Variants in CCNYL1 observed in about 807,000 individuals in gnomAD.
CCNYL1 encodes the protein cyclin-Y-like protein 1.
In CCNYL1, 16 loss-of-function variants were observed where a neutral mutation model predicts 44.2. The observed-to-expected ratio is 0.36, with a 90% CI of 0.25 to 0.55. The LOEUF (loss-of-function observed/expected upper bound fraction) is 0.55, where lower values mean the gene tolerates loss of function less well. CCNYL1 is among the 20% of genes least tolerant of loss of function. The pLI, the probability that CCNYL1 is intolerant of heterozygous loss-of-function variation, is 0.85. For missense variants in CCNYL1, 348 were observed against 451.8 expected (o/e 0.77, Z 2.08); for synonymous variants, 159 against 163.2 (o/e 0.97, Z 0.20).
intron 9 of CCNYL1, among the ~76,000 whole-genome samples, chr2:207,752,168 A>T (rs1164723097): frequency 2.6e-5 from 4 of 152,272 alleles, no homozygotes; most frequent in Middle Eastern, 3.4e-3. Flanking sequence ...GTGCAGTCCC[A>T]TGAGTTTTTT....
chr2:207,737,839 C>G (rs2091777173), intron 5 of CCNYL1, among the ~76,000 whole-genome samples: 1 of 152,064 alleles, frequency 6.6e-6, no homozygotes, highest in Admixed American at 6.5e-5. Flanking sequence ...AAAAATATAA[C>G]CCCTGACTGA....
intron 1 of CCNYL1, 137 bp downstream of exon 1, chr2:207,712,253 T>G (rs545566445): frequency 7.7e-6 from 5 of 646,640 alleles, no homozygotes; most frequent in Non-Finnish European, 1.3e-5. Flanking sequence ...TGGTTCTGCC[T>G]CGCGTCCCCA....
intron 9 of CCNYL1, among the ~76,000 whole-genome samples, chr2:207,752,350 T>G (rs2091899603): frequency 1.3e-5 from 2 of 152,004 alleles, no homozygotes. Flanking sequence ...AAGACCAGCC[T>G]TACCAACACA....
chr2:207,725,747 A>C (rs572305253), intron 2 of CCNYL1, among the ~76,000 whole-genome samples: 1 of 152,204 alleles, frequency 6.6e-6, no homozygotes, highest in Middle Eastern at 3.2e-3. Context: ...AAACTTACGT[A>C]CATTTTCCTT....
At chr2:207,751,927 T>TG (rs1466056315) in intron 9 of CCNYL1, among the ~76,000 whole-genome samples, 1 of 148,662 alleles carries the variant, frequency 6.7e-6, no homozygotes, top group South Asian at 2.1e-4. Flanking sequence ...CCCAGCTACT[T>TG]GGGAGGCTGA....
At chr2:207,740,260 A>G (rs1026812394) in intron 5 of CCNYL1, among the ~76,000 whole-genome samples, 7 of 152,234 alleles carry the variant, frequency 4.6e-5, no homozygotes, top group African/African-American at 1.7e-4. Flanking sequence ...AAAGCCTGGG[A>G]AATCTGAATT....
At position 207,752,615 on chromosome 2, in the gene CCNYL1, G is replaced by A. The variant is rs188029409; in HGVS notation, c.970-973G>A. On this transcript the variant is annotated intron_variant, in intron 9 of 9. Coordinates refer to ENST00000295414, the MANE Select transcript of CCNYL1 (RefSeq NM_001330218.2). ...CTTTATGGGGCAAAGTAATATTTAT[G>A]GCTTATGACTCTTGGTGAGTATACA... 2.1e-3 allele frequency among the ~76,000 whole-genome samples: 320 copies of A among 152,098 alleles called. 2 individuals carry two copies. Among genetic ancestry groups the A allele is most frequent in the African/African-American group, 7.5e-3 (310 of 41,468 alleles).
chr2:207,738,231 G>GT (rs34971099), intron 5 of CCNYL1, among the ~76,000 whole-genome samples: 60,091 of 151,542 alleles, frequency 0.4, 12,433 homozygotes, highest in Middle Eastern at 0.55. Context: ...TTTTTATTTG[G>GT]TTTTTTTTGA....
chr2:207,737,106 G>A (rs971426728), intron 4 of CCNYL1, among the ~76,000 whole-genome samples: 13 of 152,002 alleles, frequency 8.6e-5, no homozygotes, highest in Middle Eastern at 3.2e-3. Flanking sequence ...TAGTAGAGAC[G>A]GGGTTTCACC....
chr2:207,753,694 C>T lies in CCNYL1; in HGVS notation c.1076C>T (p.Ser359Phe). Reference sequence around the variant, plus strand: ...ATTCAGCGCTCTAAAGCCATCCTCTCTTAAAAGGAGAAATGAGGGGTTATA... The same window carrying T: ...ATTCAGCGCTCTAAAGCCATCCTCTTTTAAAAGGAGAAATGAGGGGTTATA... ...IGIQRSKAIL[S>F] The change falls in exon 10 of 10, where the codon TCT becomes TTT. Residue 359 changes from serine to phenylalanine, a missense_variant. Coordinates refer to ENST00000295414, the MANE Select transcript of CCNYL1 (RefSeq NM_001330218.2). The T allele has an allele frequency of 6.2e-7, 1 of 1,600,914 alleles. No homozygotes were observed. The highest frequency in any genetic ancestry group is 8.6e-7 in the Non-Finnish European group (1 of 1,169,320).
At position 207,753,847 on chromosome 2, in the gene CCNYL1, A is replaced by C. The variant is rs375237596; in HGVS notation, c.*149A>C. The stretch of plus-strand genomic sequence containing the variant: ...AAGAGACTCATGGACAACAAGGATT[A>C]TACTCCACAGGAAAGAATGGGACCT... On this transcript the variant is annotated 3_prime_UTR_variant, in exon 10 of 10. Transcript: ENST00000295414. 4.7e-5 allele frequency: 27 copies of C among 576,012 alleles called. 1 individual carries two copies. The African/African-American group carries it at 4.9e-4, about 10-fold the overall frequency. The allele number at this position is 576,012 out of a possible 1,614,324, so 35.7% of individuals were successfully genotyped here. A position where few individuals can be genotyped will look rare whatever the true frequency, so the allele number is the denominator to read the frequency against.
chr2:207,729,720 C>G (rs1005577523), intron 3 of CCNYL1, among the ~76,000 whole-genome samples: 1 of 150,644 alleles, frequency 6.6e-6, no homozygotes, highest in Non-Finnish European at 1.5e-5. Context: ...CTTTGCTTTT[C>G]TTTCTGAGAG....
chr2:207,737,283 T>C, intron 4 of CCNYL1, 128 bp from the exon 5 acceptor site: 1 of 710,768 alleles, frequency 1.4e-6, no homozygotes, highest in Non-Finnish European at 2.5e-6. Context: ...ACCCATATGG[T>C]ACTGTTCTGA....
At chr2:207,740,730 A>G (rs543035887) in intron 6 of CCNYL1, 24 bp downstream of exon 6, 3 of 1,503,684 alleles carry the variant, frequency 2.0e-6, no homozygotes, top group South Asian at 2.3e-5. Context: ...TTTTTGAGGT[A>G]GTATTTTTCT....
intron 2 of CCNYL1, among the ~76,000 whole-genome samples, chr2:207,725,233 T>A (rs1477614753): frequency 3.3e-5 from 5 of 151,428 alleles, no homozygotes; most frequent in Admixed American, 1.3e-4. Flanking sequence ...TTCAAGCAAT[T>A]CTCCTGCCTC....
At chr2:207,744,991 A>C (rs1471376529) in intron 7 of CCNYL1, among the ~76,000 whole-genome samples, 4 of 152,156 alleles carry the variant, frequency 2.6e-5, no homozygotes, top group Admixed American at 2.0e-4. Context: ...ATATTAGGGA[A>C]GACTTGGGGA....
In CCNYL1 at chr2:207,747,096, C is replaced by G. The variant is rs1222578554; in HGVS notation, c.689C>G (p.Thr230Ser). The G allele has an allele frequency of 6.2e-7, 1 of 1,613,942 alleles. No homozygotes were observed. The highest frequency in any genetic ancestry group is 8.5e-7 in the Non-Finnish European group (1 of 1,179,964). The change falls in exon 8 of 10, where the codon ACC (threonine) becomes AGC (serine). Residue 230 changes from threonine (T) to serine (S), a missense_variant. This residue lies in a region of CCNYL1 where 45 missense variants were observed against 101.7 expected (regional missense o/e 0.44). Coordinates refer to ENST00000295414, the MANE Select transcript of CCNYL1 (RefSeq NM_001330218.2). ...LTYAEIDICP[T>S]NWKRIVLGAI... ...TATGCTGAAATCGACATTTGTCCCA[C>G]CAACTGGAAAAGGATTGTTCTGGGA...
intron 1 of CCNYL1, 47 bp downstream of exon 1, chr2:207,712,163 G>C: frequency 6.6e-7 from 1 of 1,519,766 alleles, no homozygotes; most frequent in Non-Finnish European, 8.9e-7. Flanking sequence ...ACCTCTGCCC[G>C]CCTCCTCCCC....
At position 207,747,202 on chromosome 2, in the gene CCNYL1, A is replaced by G; in HGVS notation, c.795A>G (p.Thr265=). Residue 265 remains threonine (T), a synonymous_variant, in exon 8 of 10, where the codon ACA becomes ACG. Coordinates refer to ENST00000295414, the MANE Select transcript of CCNYL1 (RefSeq NM_001330218.2). Reference sequence around the variant, plus strand: ...ACTGCCAGATCCTCAAGGACATTACAGTTGAGGACATGTGAGTTTGTAAGG... The same window carrying G: ...ACTGCCAGATCCTCAAGGACATTACGGTTGAGGACATGTGAGTTTGTAAGG... The part of the protein sequence containing the change: ...VDYCQILKDI[T]VEDMNEMERH... 6.2e-7 allele frequency: 1 copy of G among 1,609,210 alleles called. No individual in the cohort carries two copies. Among genetic ancestry groups the G allele is most frequent in the Non-Finnish European group, 8.5e-7 (1 of 1,176,674 alleles).
Sources: allele counts gnomAD v4.1 joint callset (sites outside exome capture counted in the v4.1 genomes callset), GRCh38; gene constraint gnomAD v4.1.1; regional missense constraint gnomAD v4.1.1; transcripts MANE v1.5; gene names NCBI Gene and HGNC (gene_info 2026-07-23, HGNC 2026-07-21).